Variants in TACC1 observed in about 807,000 individuals in gnomAD.
The protein encoded by TACC1 is transforming acidic coiled-coil-containing protein 1.
TACC1 carries 48 observed loss-of-function variants against 84.4 expected under a neutral mutation model. The observed-to-expected ratio is 0.57, with a 90% CI of 0.45 to 0.72. The LOEUF (loss-of-function observed/expected upper bound fraction) is 0.72, where lower values mean the gene tolerates loss of function less well. TACC1 is among the 30% of genes least tolerant of loss of function. TACC1 has a pLI of 0.00. For synonymous variants in TACC1, 372 were observed against 376.3 expected (o/e 0.99, Z 0.13); for missense variants, 920 against 973.0 (o/e 0.95, Z 0.72).
chr8:38,836,597 C>G (rs1247667315), intron 7 of TACC1, among the ~76,000 whole-genome samples: 1 of 152,162 alleles, frequency 6.6e-6, no homozygotes, highest in Non-Finnish European at 1.5e-5. Context: ...TAAATCAGTG[C>G]TTTTATTTTA....
chr8:38,771,470 A>G (rs897411276), intron 3 of TACC1, among the ~76,000 whole-genome samples: 3 of 152,174 alleles, frequency 2.0e-5, no homozygotes, highest in Admixed American at 6.5e-5. Flanking sequence ...TTCAGTCCAT[A>G]AGTACCATTT....
At chr8:38,735,718 C>T (rs564863067) in intron 1 of TACC1, among the ~76,000 whole-genome samples, 1 of 152,298 alleles carries the variant, frequency 6.6e-6, no homozygotes, top group Admixed American at 6.5e-5. Context: ...AAACCCTCCT[C>T]AGACCTTTGT....
intron 2 of TACC1, among the ~76,000 whole-genome samples, chr8:38,804,362 C>T (rs1250308279): frequency 6.6e-6 from 1 of 152,094 alleles, no homozygotes; most frequent in African/African-American, 2.4e-5. Flanking sequence ...TCAGTGGCGC[C>T]ATCTTGGCTC....
At chr8:38,735,400 C>T (rs534303888) in intron 1 of TACC1, among the ~76,000 whole-genome samples, 1 of 152,302 alleles carries the variant, frequency 6.6e-6, no homozygotes, top group South Asian at 2.1e-4. Context: ...CCGTTTTCCA[C>T]CCGCGCTGTG....
chr8:38,841,898 G>A (rs1170394095), intron 9 of TACC1, among the ~76,000 whole-genome samples: 1 of 152,100 alleles, frequency 6.6e-6, no homozygotes. Flanking sequence ...CCACTAAATT[G>A]CCGAAATGAT....
chr8:38,807,808 G>C (rs1363724307), intron 2 of TACC1, among the ~76,000 whole-genome samples: 2 of 152,270 alleles, frequency 1.3e-5, no homozygotes, highest in African/African-American at 4.8e-5. Flanking sequence ...AGAATATTAA[G>C]CTGTTTCCCT....
intron 2 of TACC1, chr8:38,742,600 T>G (rs1324202410): frequency 6.4e-6 from 4 of 625,962 alleles, no homozygotes; most frequent in Non-Finnish European, 1.0e-5. Flanking sequence ...AACAAAGAAC[T>G]GGGTGGTGGT....
intron 3 of TACC1, among the ~76,000 whole-genome samples, chr8:38,774,288 T>C (rs1223787446): frequency 6.6e-6 from 1 of 152,206 alleles, no homozygotes; most frequent in Non-Finnish European, 1.5e-5. Context: ...ATTTATATAT[T>C]ACATATTTAT....
chr8:38,771,893 C>T (rs2151893197), intron 3 of TACC1, among the ~76,000 whole-genome samples: 1 of 152,256 alleles, frequency 6.6e-6, no homozygotes, highest in South Asian at 2.1e-4. Context: ...TCACACGCCA[C>T]CATGCCTGGC....
At chr8:38,830,370 G>A (rs761112658) in intron 5 of TACC1, among the ~76,000 whole-genome samples, 8 of 152,192 alleles carry the variant, frequency 5.3e-5, no homozygotes, top group Non-Finnish European at 1.0e-4. Context: ...CAGCTCCCGG[G>A]TTCAAGCGAT....
rs114827394 is a variant in TACC1, at chr8:38,831,214, G to A, written c.1713+37G>A. 1.6e-3 allele frequency: 2,651 copies of A among 1,607,266 alleles called. 40 individuals carry two copies. In the African/African-American group the frequency reaches 0.031, roughly 19 times the overall value. On this transcript the variant is annotated intron_variant, in intron 6 of 12. Coordinates refer to ENST00000317827, the MANE Select transcript of TACC1 (RefSeq NM_006283.3). ...AATGTGGAGGGCCGGGTGGACTCAGGTTTCTTTCAGTATTTGTTTTGAAGC... is the reference window on the plus strand; with the variant it reads ...AATGTGGAGGGCCGGGTGGACTCAGATTTCTTTCAGTATTTGTTTTGAAGC...
intron 11 of TACC1, chr8:38,846,089 G>A (rs1469780806): frequency 6.6e-6 from 1 of 151,396 alleles, no homozygotes; most frequent in African/African-American, 2.4e-5. Flanking sequence ...TCAGGAGATC[G>A]AGACCACGGT....
At chr8:38,812,538 G>T (rs1333988708) in intron 2 of TACC1, among the ~76,000 whole-genome samples, 1 of 152,166 alleles carries the variant, frequency 6.6e-6, no homozygotes, top group Non-Finnish European at 1.5e-5. Context: ...CATCACCCTT[G>T]TCAAAGCCCC....
At chr8:38,787,875 C>T in intron 1 of TACC1, 132 bp downstream of exon 1, 1 of 895,984 alleles carries the variant, frequency 1.1e-6, no homozygotes, top group East Asian at 3.3e-5. Context: ...CTGCCCGGAG[C>T]CGGGTCCCCG....
In TACC1 at chr8:38,846,756, C is replaced by T. The variant is rs747766098; in HGVS notation, c.2286C>T (p.Leu762=). 1.9e-6 allele frequency: 3 copies of T among 1,614,168 alleles called. No individual in the cohort carries two copies. In the Admixed American group the frequency reaches 5.0e-5, roughly 27 times the overall value. Residue 762 remains leucine (L), a synonymous_variant, in exon 12 of 13, where the codon CTC becomes CTT. Transcript: ENST00000317827. ...RTKAKAESAA[L]HAGLRKEQMK... is the part of the protein sequence containing the mutation. ...AAGCAAAGGCTGAGAGTGCAGCTCT[C>T]CATGCTGGACTCCGCAAAGAGCAGA...
At chr8:38,840,354 A>G (rs1831014168) in intron 9 of TACC1, 87 bp downstream of exon 9, 1 of 1,229,712 alleles carries the variant, frequency 8.1e-7, no homozygotes, top group Admixed American at 2.0e-5. Context: ...TATGTAAGCT[A>G]GGTAGCTTAT....
At chr8:38,800,428 A>T (rs1348952621) in intron 2 of TACC1, among the ~76,000 whole-genome samples, 1 of 152,038 alleles carries the variant, frequency 6.6e-6, no homozygotes, top group Non-Finnish European at 1.5e-5. Flanking sequence ...CTTCCTTCCC[A>T]CCACCAGTCC....
At chr8:38,764,510 G>C (rs923244778) in intron 3 of TACC1, among the ~76,000 whole-genome samples, 6 of 149,594 alleles carry the variant, frequency 4.0e-5, no homozygotes, top group Non-Finnish European at 8.9e-5. Context: ...GTAAGAGAAT[G>C]TTATGTTTAT....
chr8:38,803,109 T>C (rs1285358794), intron 2 of TACC1, among the ~76,000 whole-genome samples: 3 of 152,240 alleles, frequency 2.0e-5, no homozygotes, highest in Non-Finnish European at 2.9e-5. Flanking sequence ...AGAAATACAA[T>C]TGATTTTTAC....
Sources: allele counts gnomAD v4.1 joint callset (sites outside exome capture counted in the v4.1 genomes callset), GRCh38; gene constraint gnomAD v4.1.1; transcripts MANE v1.5; gene names NCBI Gene and HGNC (gene_info 2026-07-23, HGNC 2026-07-21).